Variants in GALNTL6 observed in about 807,000 individuals in gnomAD.
GALNTL6 encodes the protein polypeptide N-acetylgalactosaminyltransferase like 6.
Under a neutral mutation model 73.7 loss-of-function variants are expected in GALNTL6, and 46 were observed. The ratio of observed to expected loss-of-function variants is 0.62; its 90% CI spans 0.49 to 0.80. The LOEUF is 0.80. Ranked by LOEUF, GALNTL6 falls within the 30% of genes least tolerant of loss-of-function variation. The pLI is 0.00. For missense variants in GALNTL6, 604 were observed against 755.0 expected (o/e 0.80, Z 2.34); for synonymous variants, 259 against 263.7 (o/e 0.98, Z 0.17).
At position 172,475,415 on chromosome 4, in the gene GALNTL6, C is replaced by T. The variant is rs188157314; in HGVS notation, c.553+126726C>T. Among the ~76,000 whole-genome samples, 118 of 151,234 alleles carry T rather than the reference C, an allele frequency of 7.8e-4. 2 individuals carry two copies. In the South Asian group the frequency reaches 0.016, roughly 21 times the overall value. On this transcript the variant is annotated intron_variant, in intron 5 of 12. Coordinates refer to ENST00000506823, the MANE Select transcript of GALNTL6 (RefSeq NM_001034845.3). ...TTTTAATTTTTCAGGTAGAACAATT[C>T]AGTCATGGACAAGGTTGGCAGAAAA... is the stretch of plus-strand genomic sequence containing the variant.
chr4:172,087,221 C>A (rs1312271872), intron 2 of GALNTL6, among the ~76,000 whole-genome samples: 5 of 151,992 alleles, frequency 3.3e-5, no homozygotes, highest in African/African-American at 9.7e-5. Flanking sequence ...AGGCAGGCGG[C>A]TCACGAGGTC....
intron 4 of GALNTL6, among the ~76,000 whole-genome samples, chr4:172,342,079 G>C (rs1170936636): frequency 1.3e-5 from 2 of 151,916 alleles, no homozygotes; most frequent in Non-Finnish European, 2.9e-5. Flanking sequence ...GTGGCTGTTA[G>C]AGCCTCTATT....
At chr4:172,947,025 T>C (rs888014804) in intron 9 of GALNTL6, among the ~76,000 whole-genome samples, 20 of 152,026 alleles carry the variant, frequency 1.3e-4, no homozygotes, top group African/African-American at 3.9e-4. Context: ...AGCAGAACCA[T>C]GGCAGGAAGC....
chr4:172,534,592 G>A (rs1260205854), intron 5 of GALNTL6, among the ~76,000 whole-genome samples: 4 of 150,230 alleles, frequency 2.7e-5, no homozygotes, highest in Non-Finnish European at 5.9e-5. Context: ...TTTTTTTGAC[G>A]GAGTCTCACT....
At chr4:172,611,849 A>G (rs1022732038) in intron 5 of GALNTL6, among the ~76,000 whole-genome samples, 4 of 152,108 alleles carry the variant, frequency 2.6e-5, no homozygotes, top group African/African-American at 7.2e-5. Context: ...TTGTTTACAC[A>G]TAATGCAGAC....
intron 5 of GALNTL6, among the ~76,000 whole-genome samples, chr4:172,592,067 A>G (rs1317068993): frequency 6.6e-6 from 1 of 152,196 alleles, no homozygotes; most frequent in Non-Finnish European, 1.5e-5. Flanking sequence ...CTTTAAAGAA[A>G]TATCTAAGGC....
At chr4:172,260,954 C>T (rs968915439) in intron 3 of GALNTL6, among the ~76,000 whole-genome samples, 2 of 151,352 alleles carry the variant, frequency 1.3e-5, no homozygotes, top group Admixed American at 1.3e-4. Flanking sequence ...GTGTGAAATC[C>T]ACTTGATCGT....
chr4:172,287,376 T>G (rs2111091978), intron 3 of GALNTL6, among the ~76,000 whole-genome samples: 1 of 152,278 alleles, frequency 6.6e-6, no homozygotes, highest in East Asian at 1.9e-4. Flanking sequence ...TCAAAACTTC[T>G]CATTTGATCC....
chr4:172,121,679 G>C (rs1414637163), intron 2 of GALNTL6, among the ~76,000 whole-genome samples: 1 of 152,056 alleles, frequency 6.6e-6, no homozygotes, highest in Non-Finnish European at 1.5e-5. Flanking sequence ...GGAGGTAGTG[G>C]TTCTCAGGCT....
intron 2 of GALNTL6, among the ~76,000 whole-genome samples, chr4:171,942,269 T>TAAATAAAAAA (rs1423565851): frequency 9.0e-5 from 13 of 144,148 alleles, no homozygotes; most frequent in African/African-American, 3.1e-4. Flanking sequence ...TAAATAAATA[T>TAAATAAAAAA]AATATACAGA....
chr4:172,176,050 T>C (rs1323501600), intron 2 of GALNTL6, among the ~76,000 whole-genome samples: 3 of 151,546 alleles, frequency 2.0e-5, no homozygotes, highest in Non-Finnish European at 4.4e-5. Flanking sequence ...CAAATAAGAG[T>C]GTATTCAGGC....
At chr4:172,859,032 GC>G (rs1413675584) in intron 7 of GALNTL6, among the ~76,000 whole-genome samples, 84 of 136,236 alleles carry the variant, frequency 6.2e-4, no homozygotes, top group African/African-American at 2.0e-3. Context: ...TGAAATGCAA[GC>G]TGGAGTGGTC....
intron 5 of GALNTL6, among the ~76,000 whole-genome samples, chr4:172,545,281 T>A (rs1160506381): frequency 6.6e-6 from 1 of 152,164 alleles, no homozygotes; most frequent in Non-Finnish European, 1.5e-5. Context: ...AATTGCCTTA[T>A]TTCTCTACTT....
At chr4:172,099,187 T>G (rs1032712444) in intron 2 of GALNTL6, among the ~76,000 whole-genome samples, 5 of 152,092 alleles carry the variant, frequency 3.3e-5, no homozygotes, top group Admixed American at 2.0e-4. Flanking sequence ...ATTAGGTTGG[T>G]GAACTTTGAA....
intron 5 of GALNTL6, among the ~76,000 whole-genome samples, chr4:172,691,236 C>G (rs755048905): frequency 6.6e-6 from 1 of 152,058 alleles, no homozygotes; most frequent in Non-Finnish European, 1.5e-5. Flanking sequence ...ACTCATCAAA[C>G]AGCAAGAAAA....
chr4:172,601,693 G>A (rs1738056650), intron 5 of GALNTL6, among the ~76,000 whole-genome samples: 1 of 151,992 alleles, frequency 6.6e-6, no homozygotes, highest in Admixed American at 6.6e-5. Context: ...CCCAGTTTCA[G>A]GTATTCTTTT....
chr4:172,836,559 G>A (rs763258848), intron 7 of GALNTL6, among the ~76,000 whole-genome samples: 9 of 152,126 alleles, frequency 5.9e-5, no homozygotes, highest in Non-Finnish European at 1.5e-5. Flanking sequence ...ACATTCTGAA[G>A]AGGAAAAAAA....
chr4:172,361,820 C>T (rs1206286792), intron 5 of GALNTL6, among the ~76,000 whole-genome samples: 1 of 152,092 alleles, frequency 6.6e-6, no homozygotes, highest in Non-Finnish European at 1.5e-5. Context: ...TGTTATTGGG[C>T]ATCACCCTAG....
intron 2 of GALNTL6, among the ~76,000 whole-genome samples, chr4:172,155,234 G>A (rs2110771414): frequency 6.6e-6 from 1 of 152,270 alleles, no homozygotes; most frequent in South Asian, 2.1e-4. Context: ...CAGACTTCAA[G>A]TGATCCACCC....
Sources: allele counts gnomAD v4.1 joint callset (sites outside exome capture counted in the v4.1 genomes callset), GRCh38; gene constraint gnomAD v4.1.1; transcripts MANE v1.5; gene names NCBI Gene and HGNC (gene_info 2026-07-23, HGNC 2026-07-21).